FRMD3: variants seen among roughly 807,000 people sequenced by gnomAD.
FRMD3 encodes FERM domain containing 3.
FRMD3 carries 33 observed loss-of-function variants against 70.2 expected under a neutral mutation model. The observed-to-expected ratio is 0.47, with a 90% CI of 0.36 to 0.63. The LOEUF is 0.63. FRMD3 is among the 20% of genes least tolerant of loss of function. The probability of loss-of-function intolerance (pLI) is 0.00; values close to 1 mark genes in which losing one functional copy is unlikely to be tolerated. For missense variants in FRMD3, 632 were observed against 711.4 expected (o/e 0.89, Z 1.27); for synonymous variants, 279 against 255.9 (o/e 1.09, Z -0.86).
chr9:83,560,000 C>A, the FRMD3 span, among the ~76,000 whole-genome samples: 2 of 152,062 alleles, frequency 1.3e-5, no homozygotes, highest in Non-Finnish European at 2.9e-5. Context: ...TCCAATGCAT[C>A]CCCGTGTGCT....
chr9:83,260,425 G>A (rs1832930867), intron 13 of FRMD3, among the ~76,000 whole-genome samples: 1 of 152,088 alleles, frequency 6.6e-6, no homozygotes, highest in African/African-American at 2.4e-5. Context: ...TTAACTAAGG[G>A]GGAAGAAGCT....
At chr9:83,556,882 A>G in the FRMD3 span, among the ~76,000 whole-genome samples, 1 of 152,008 alleles carries the variant, frequency 6.6e-6, no homozygotes, top group Non-Finnish European at 1.5e-5. Context: ...AGTTTCAATA[A>G]TTTTTATCTT....
chr9:83,582,514 A>G, the FRMD3 span, among the ~76,000 whole-genome samples: 1 of 152,222 alleles, frequency 6.6e-6, no homozygotes, highest in African/African-American at 2.4e-5. Context: ...AAGAAAAGGT[A>G]GTAACTCCCA....
intron 6 of FRMD3, among the ~76,000 whole-genome samples, chr9:83,324,848 T>A (rs573251499): frequency 1.1e-4 from 16 of 152,234 alleles, no homozygotes; most frequent in Non-Finnish European, 2.1e-4. Flanking sequence ...TAGTCATGTA[T>A]GGGCAAACGC....
chr9:83,299,661 C>T (rs1264337071), intron 10 of FRMD3, among the ~76,000 whole-genome samples: 3 of 152,208 alleles, frequency 2.0e-5, no homozygotes, highest in Admixed American at 1.3e-4. Flanking sequence ...GACTATGCCA[C>T]GAAGAACTCA....
rs933439597 is a variant in FRMD3 at position 83,389,858 on chromosome 9, C to T, written c.148-150G>A. The T allele has an allele frequency of 1.8e-5, 11 of 613,526 alleles. No individual in the cohort carries two copies. In the East Asian group the frequency reaches 2.2e-4, roughly 12 times the overall value. 38.0% of individuals were successfully genotyped at this position (613,526 alleles called of 1,614,324 possible). ...AGAAGGGGCTTCCAAACTCTTTTAACCACAAATCCTCAATGATAAATACAT... is the reference window on the plus strand; with the variant it reads ...AGAAGGGGCTTCCAAACTCTTTTAATCACAAATCCTCAATGATAAATACAT... On this transcript the variant is annotated intron_variant, in intron 1 of 13. Transcript: ENST00000304195.
chr9:83,526,022 T>G (rs1829676656), intron 1 of FRMD3, among the ~76,000 whole-genome samples: 1 of 152,240 alleles, frequency 6.6e-6, no homozygotes, highest in African/African-American at 2.4e-5. Context: ...CTCTGGTAAC[T>G]TTCATTCCTT....
chr9:83,316,678 A>C (rs1835591362), intron 6 of FRMD3, among the ~76,000 whole-genome samples: 1 of 152,214 alleles, frequency 6.6e-6, no homozygotes, highest in Admixed American at 6.5e-5. Flanking sequence ...TCCAGCAATT[A>C]CTATCTTGGG....
intron 1 of FRMD3, among the ~76,000 whole-genome samples, chr9:83,427,974 G>A (rs7037659): frequency 0.48 from 73,320 of 152,062 alleles, 18,594 homozygotes; most frequent in African/African-American, 0.66. Context: ...GACCAGTTTA[G>A]AAAACAACTT....
intron 2 of FRMD3, among the ~76,000 whole-genome samples, chr9:83,378,016 T>C (rs1825203240): frequency 6.6e-6 from 1 of 152,156 alleles, no homozygotes; most frequent in Admixed American, 6.5e-5. Flanking sequence ...CCAGCAGGCC[T>C]AGATTCAAAT....
chr9:83,387,384 G>A (rs1825542169), intron 2 of FRMD3, among the ~76,000 whole-genome samples: 1 of 152,084 alleles, frequency 6.6e-6, no homozygotes, highest in Admixed American at 6.6e-5. Context: ...GTTCCTTAAT[G>A]TCTTGCCTTA....
chr9:83,398,651 TATA>T (rs944632976), intron 1 of FRMD3, among the ~76,000 whole-genome samples: 9 of 152,172 alleles, frequency 5.9e-5, no homozygotes, highest in Non-Finnish European at 1.2e-4. Flanking sequence ...AAACTTAAAG[TATA>T]ATAATAATAA....
intron 1 of FRMD3, among the ~76,000 whole-genome samples, chr9:83,519,445 C>T (rs753692300): frequency 6.6e-6 from 1 of 152,138 alleles, no homozygotes; most frequent in African/African-American, 2.4e-5. Flanking sequence ...CAATGAGATA[C>T]CATCTCATGC....
At chr9:83,365,019 T>C (rs945176779) in intron 3 of FRMD3, among the ~76,000 whole-genome samples, 1 of 152,214 alleles carries the variant, frequency 6.6e-6, no homozygotes, top group Non-Finnish European at 1.5e-5. Context: ...ATATCTTAAT[T>C]ACTATATGTG....
intron 1 of FRMD3, among the ~76,000 whole-genome samples, chr9:83,524,325 G>A (rs1240865897): frequency 6.6e-6 from 1 of 152,166 alleles, no homozygotes; most frequent in East Asian, 1.9e-4. Flanking sequence ...AAAGGAAAGG[G>A]GAGGTAGTTT....
the FRMD3 span, among the ~76,000 whole-genome samples, chr9:83,550,687 A>AGTGT: frequency 0.1 from 14,090 of 138,786 alleles, 772 homozygotes; most frequent in East Asian, 0.17. Context: ...AGTCCTAGGT[A>AGTGT]GTGTGTGTGT....
chr9:83,388,510 C>T (rs1349036883), intron 2 of FRMD3, among the ~76,000 whole-genome samples: 2 of 152,162 alleles, frequency 1.3e-5, no homozygotes, highest in African/African-American at 4.8e-5. Flanking sequence ...GGCTGGGACC[C>T]ACCCCATGAG....
chr9:83,389,378 A>G (rs1335828505), intron 2 of FRMD3, among the ~76,000 whole-genome samples: 4 of 152,114 alleles, frequency 2.6e-5, no homozygotes, highest in Non-Finnish European at 5.9e-5. Flanking sequence ...CTCTCTTCTA[A>G]GCAGATGGGA....
chr9:83,366,374 T>C (rs1414816233), intron 3 of FRMD3, among the ~76,000 whole-genome samples: 2 of 152,000 alleles, frequency 1.3e-5, no homozygotes, highest in Non-Finnish European at 2.9e-5. Context: ...AGTTCAAGGC[T>C]AGCCTGACCA....
Sources: allele counts gnomAD v4.1 joint callset (sites outside exome capture counted in the v4.1 genomes callset), GRCh38; gene constraint gnomAD v4.1.1; transcripts MANE v1.5; gene names NCBI Gene and HGNC (gene_info 2026-07-23, HGNC 2026-07-21).